SLC35D1: variants seen among roughly 807,000 people sequenced by gnomAD.
SLC35D1 encodes the protein nucleotide sugar transporter SLC35D1.
Under a neutral mutation model 46.7 loss-of-function variants are expected in SLC35D1, and 31 were observed. That is an observed-to-expected ratio of 0.66 (90% confidence interval 0.50 to 0.90). The LOEUF is 0.90. SLC35D1 is among the 40% of genes least tolerant of loss of function. The pLI, the probability that SLC35D1 is intolerant of heterozygous loss-of-function variation, is 0.00. For missense variants in SLC35D1, 397 were observed against 426.2 expected, an observed-to-expected ratio of 0.93 and a Z score of 0.60; for synonymous variants, 195 against 164.6, an observed-to-expected ratio of 1.18 and a Z score of -1.41.
At chr1:67,020,803 G>A (rs1025716597) in intron 9 of SLC35D1, among the ~76,000 whole-genome samples, 3 of 152,104 alleles carry the variant, frequency 2.0e-5, no homozygotes, top group Non-Finnish European at 4.4e-5. Context: ...CTTCCATAAG[G>A]ACAACATGTC....
At chr1:67,049,912 G>C in intron 5 of SLC35D1, 62 bp from the exon 6 acceptor site, 1 of 1,195,980 alleles carries the variant, frequency 8.4e-7, no homozygotes, top group Non-Finnish European at 1.2e-6. Context: ...TTTTACAACA[G>C]AAGCAAAAAA....
At chr1:66,990,699 T>C in the SLC35D1 span, among the ~76,000 whole-genome samples, 2 of 152,172 alleles carry the variant, frequency 1.3e-5, no homozygotes, top group Non-Finnish European at 2.9e-5. Flanking sequence ...TTCGTGTATA[T>C]GTATAGTTAG....
chr1:67,053,396 G>A (rs1397058343), intron 1 of SLC35D1, among the ~76,000 whole-genome samples: 1 of 152,180 alleles, frequency 6.6e-6, no homozygotes, highest in African/African-American at 2.4e-5. Context: ...CTGTCAGCGG[G>A]TGCAGGGGAC....
chr1:66,975,352 C>T, the SLC35D1 span, among the ~76,000 whole-genome samples: 1 of 152,004 alleles, frequency 6.6e-6, no homozygotes. Flanking sequence ...CATGGCAAAA[C>T]CCCATCTCTA....
intron 8 of SLC35D1, among the ~76,000 whole-genome samples, chr1:67,033,444 C>T (rs12089081): frequency 0.069 from 10,487 of 152,140 alleles, 1,164 homozygotes; most frequent in African/African-American, 0.24. Flanking sequence ...GATGATATCT[C>T]ATTGTAGTTT....
the SLC35D1 span, among the ~76,000 whole-genome samples, chr1:66,973,237 T>TA: frequency 1.3e-5 from 2 of 152,126 alleles, no homozygotes; most frequent in Non-Finnish European, 2.9e-5. Context: ...ACAAGCATGT[T>TA]AATCAACTTC....
At chr1:67,019,231 C>T (rs1216863684) in intron 10 of SLC35D1, among the ~76,000 whole-genome samples, 3 of 152,282 alleles carry the variant, frequency 2.0e-5, no homozygotes, top group South Asian at 2.1e-4. Flanking sequence ...CTCACATTCT[C>T]GCTACTCTTA....
the SLC35D1 span, among the ~76,000 whole-genome samples, chr1:66,975,290 G>T: frequency 1.3e-5 from 2 of 152,188 alleles, no homozygotes; most frequent in African/African-American, 4.8e-5. Context: ...ACTTTGGGAG[G>T]TTGAAGCATG....
the SLC35D1 span, among the ~76,000 whole-genome samples, chr1:66,975,228 C>CT: frequency 5.1e-4 from 77 of 152,220 alleles, no homozygotes; most frequent in Non-Finnish European, 9.3e-4. Flanking sequence ...ACTGGATTTC[C>CT]TTTTAAATGG....
At chr1:67,042,831 A>G (rs1384752401) in intron 7 of SLC35D1, among the ~76,000 whole-genome samples, 12 of 152,322 alleles carry the variant, frequency 7.9e-5, no homozygotes, top group South Asian at 2.1e-4. Context: ...TGGGAGGCTG[A>G]GGCGGACAGA....
the SLC35D1 span, chr1:66,976,797 T>C: frequency 1.6e-6 from 2 of 1,266,782 alleles, no homozygotes; most frequent in Non-Finnish European, 2.1e-6. Context: ...GAGTTAATTA[T>C]TATTTTGATA....
At chr1:66,988,081 A>T in the SLC35D1 span, 1 of 150,978 alleles carries the variant, frequency 6.6e-6, no homozygotes, top group East Asian at 1.9e-4. Flanking sequence ...GGAATAACTG[A>T]GGGCTGGTGA....
the SLC35D1 span, among the ~76,000 whole-genome samples, chr1:66,992,672 G>C: frequency 1.3e-5 from 2 of 152,172 alleles, no homozygotes; most frequent in African/African-American, 4.8e-5. Context: ...AGTCAATCCC[G>C]ATGGCCAGAA....
chr1:66,994,505 G>A (rs1352933314), downstream of SLC35D1, among the ~76,000 whole-genome samples: 2 of 152,072 alleles, frequency 1.3e-5, no homozygotes, highest in Admixed American at 6.6e-5. Flanking sequence ...CTAGCCAGAC[G>A]TGGTGGCACA....
chr1:66,995,087 T>A (rs189217695), downstream of SLC35D1, among the ~76,000 whole-genome samples: 1 of 152,256 alleles, frequency 6.6e-6, no homozygotes, highest in East Asian at 1.9e-4. Context: ...GCCTGCTCTA[T>A]CTGATGCATT....
At chr1:67,026,845 C>A (rs1002849444) in intron 8 of SLC35D1, among the ~76,000 whole-genome samples, 5 of 152,244 alleles carry the variant, frequency 3.3e-5, no homozygotes, top group Admixed American at 6.5e-5. Flanking sequence ...GAAGGCACCT[C>A]TTCACAGGGT....
chr1:67,042,429 C>G, intron 7 of SLC35D1, 101 bp from the exon 8 acceptor site: 1 of 945,056 alleles, frequency 1.1e-6, no homozygotes, highest in Non-Finnish European at 1.7e-6. Context: ...CACAAACACA[C>G]ACACCCTCCC....
In SLC35D1 at chr1:67,052,821, C is replaced by T; in HGVS notation, c.274G>A (p.Ala92Thr). The change falls in exon 3 of 12, where the codon GCG (alanine) becomes ACG (threonine). Residue 92 changes from alanine to threonine, a missense_variant. Coordinates refer to ENST00000235345, the MANE Select transcript of SLC35D1 (RefSeq NM_015139.3). ...ATVAVLWVGK[A>T]LRVVKFPDLD... ...TCAGGAAACTTGACTACTCTGAGCGCCTTTCCCACCCAGAGAACTGCCACT... is the reference window on the plus strand; with the variant it reads ...TCAGGAAACTTGACTACTCTGAGCGTCTTTCCCACCCAGAGAACTGCCACT... The T allele has an allele frequency of 1.9e-6, 3 of 1,614,170 alleles. No homozygotes were observed. The highest frequency in any genetic ancestry group is 8.5e-7 in the Non-Finnish European group (1 of 1,180,036).
intron 7 of SLC35D1, 65 bp downstream of exon 7, chr1:67,047,200 T>C (rs2102361342): frequency 7.7e-7 from 1 of 1,304,048 alleles, no homozygotes; most frequent in Admixed American, 1.7e-5. Flanking sequence ...TTCCCCACTT[T>C]TTCTCCTATG....
Sources: gnomAD v4.1 joint callset for allele counts (sites outside exome capture counted in the v4.1 genomes callset) on GRCh38, gnomAD v4.1.1 for gene constraint, MANE v1.5 for transcripts, NCBI Gene and HGNC (gene_info 2026-07-23, HGNC 2026-07-21) for gene names.